The following PHRF1 variants were observed in gnomAD, a reference collection of about 807,000 sequenced individuals.
The protein encoded by PHRF1 is PHD and RING finger domain-containing protein 1.
PHRF1 carries 53 observed loss-of-function variants against 128.9 expected under a neutral mutation model. That is an observed-to-expected ratio of 0.41 (90% CI 0.33 to 0.52). PHRF1 has a LOEUF of 0.52. PHRF1 is among the 20% of genes least tolerant of loss of function. PHRF1 has a pLI of 0.21. For synonymous variants in PHRF1, 1,178 were observed against 980.6 expected (o/e 1.20, Z -3.76); for missense variants, 2,503 against 2,284.5 (o/e 1.10, Z -1.95).
At chr11:596,831 A>C in intron 6 of PHRF1, 92 bp from the exon 7 acceptor site, 8 of 1,110,720 alleles carry the variant, frequency 7.2e-6, no homozygotes, top group Non-Finnish European at 1.1e-5. Context: ...CTTGGGTGCC[A>C]TCGGAGGCCT....
At chr11:600,533 G>A (rs1232655457) in intron 9 of PHRF1, among the ~76,000 whole-genome samples, 5 of 143,118 alleles carry the variant, frequency 3.5e-5, no homozygotes, top group Admixed American at 6.9e-5. Context: ...TTATTTCTCC[G>A]TTTAAAAATC....
intron 2 of PHRF1, 51 bp from the exon 3 acceptor site, chr11:581,911 C>T (rs1589856960): frequency 2.0e-6 from 3 of 1,522,456 alleles, no homozygotes; most frequent in Non-Finnish European, 2.6e-6. Context: ...CTGCTCTCTG[C>T]TGCATGGTCT....
chr11:594,617 A>G (rs1053755819), intron 6 of PHRF1, among the ~76,000 whole-genome samples: 5 of 152,108 alleles, frequency 3.3e-5, no homozygotes, highest in Non-Finnish European at 7.4e-5. Context: ...ACATGCCACC[A>G]CACCTGGCTA....
intron 3 of PHRF1, among the ~76,000 whole-genome samples, chr11:585,819 T>C (rs1589863808): frequency 2.0e-5 from 3 of 151,824 alleles, no homozygotes; most frequent in African/African-American, 7.3e-5. Context: ...TAGCTGGGAC[T>C]ATAGGCACCT....
chr11:601,664 A>G lies in PHRF1; in HGVS notation c.1115A>G (p.Gln372Arg), dbSNP rs1855634893. 6.2e-7 allele frequency: 1 copy of G among 1,613,884 alleles called. No homozygotes were observed. The highest frequency in any genetic ancestry group is 1.3e-5 in the African/African-American group (1 of 75,050). Residue 372 changes from glutamine to arginine, a missense_variant, in exon 10 of 18, where the codon CAA becomes CGA. Gln to Arg is a conservative substitution (Grantham distance 43, BLOSUM62 1). Coordinates refer to ENST00000264555, the MANE Select transcript of PHRF1 (RefSeq NM_001286581.2). ...TCAGCGACAAGATCTAAGAAACGCC[A>G]ACATCGAGTGAAGAAGAGAAGAGGG... ...KSSATRSKKR[Q>R]HRVKKRRGKK...
chr11:605,387 C>T (rs945333071), intron 11 of PHRF1, 87 bp downstream of exon 11: 26 of 1,532,476 alleles, frequency 1.7e-5, no homozygotes, highest in African/African-American at 1.1e-4. Context: ...CATGCGGAGG[C>T]GTTAGGTTTT....
At chr11:586,720 G>T (rs1854590580) in intron 3 of PHRF1, among the ~76,000 whole-genome samples, 1 of 152,240 alleles carries the variant, frequency 6.6e-6, no homozygotes, top group South Asian at 2.1e-4. Flanking sequence ...GGCCAGAACG[G>T]TTGTGGTTAG....
Position 609,347 on chromosome 11 carries a change from T to G in PHRF1, c.3891T>G (p.Ser1297=), listed in dbSNP as rs114978447. 4,606 of 1,612,416 alleles carry G rather than the reference T, an allele frequency of 2.9e-3. 136 individuals are homozygous for G. In the African/African-American group the frequency reaches 0.054, roughly 19 times the overall value. Residue 1297 remains serine (S), a synonymous_variant, in exon 14 of 18, where the codon TCT becomes TCG. Coordinates refer to ENST00000264555, the MANE Select transcript of PHRF1 (RefSeq NM_001286581.2). The part of the protein sequence containing the change: ...SSPPSPESTD[S]SPERDFPLKP... ...CACCTTCTCCCGAAAGCACAGACTC[T>G]TCCCCGGAGCGAGACTTCCCACTGA...
At chr11:590,203 G>T (rs1224216885) in intron 4 of PHRF1, among the ~76,000 whole-genome samples, 1 of 152,220 alleles carries the variant, frequency 6.6e-6, no homozygotes. Context: ...GAGCTGGTCG[G>T]TAGGAGGGCA....
At chr11:599,243 T>A (rs1589885609) in intron 9 of PHRF1, among the ~76,000 whole-genome samples, 1 of 149,038 alleles carries the variant, frequency 6.7e-6, no homozygotes, top group African/African-American at 2.5e-5. Context: ...TTTCTTTTTT[T>A]TTTTCTTTTC....
chr11:610,034 A>T (rs1856266063), intron 14 of PHRF1, among the ~76,000 whole-genome samples, 162 bp from the exon 15 acceptor site: 1 of 152,146 alleles, frequency 6.6e-6, no homozygotes, highest in African/African-American at 2.4e-5. Context: ...AGTGGCTAGG[A>T]GCTGGCACAC....
chr11:602,770 G>T (rs57490538), intron 10 of PHRF1, among the ~76,000 whole-genome samples: 4,383 of 138,312 alleles, frequency 0.032, 105 homozygotes, highest in South Asian at 0.087. Context: ...TGTTTTTTTT[G>T]TTTTTTTTTT....
At position 587,435 on chromosome 11, in the gene PHRF1, T is replaced by G; in HGVS notation, c.391T>G (p.Cys131Gly). Residue 131 changes from cysteine to glycine, a missense_variant, in exon 4 of 18, where the codon TGC (cysteine) becomes GGC (glycine). Transcript: ENST00000264555. ...GTPENCAHYF[C>G]LDCIVEWSKN... ...GCCGGAGAACTGTGCCCATTACTTC[T>G]GCCTGGACTGCATTGTCGAATGGTC... 6.2e-7 allele frequency: 1 copy of G among 1,613,550 alleles called. No homozygotes were observed. Among genetic ancestry groups the G allele is most frequent in the Non-Finnish European group, 8.5e-7 (1 of 1,179,892 alleles).
intron 9 of PHRF1, 135 bp downstream of exon 9, chr11:598,637 C>G: frequency 1.5e-6 from 2 of 1,361,824 alleles, no homozygotes; most frequent in Non-Finnish European, 1.9e-6. Flanking sequence ...GCTGAAAACA[C>G]TACACAGAAG....
intron 13 of PHRF1, 123 bp downstream of exon 13, chr11:606,719 A>C (rs1855971418): frequency 7.4e-7 from 1 of 1,357,518 alleles, no homozygotes; most frequent in East Asian, 2.5e-5. Context: ...ACCATTCCTC[A>C]GCCATTTTTC....
intron 9 of PHRF1, among the ~76,000 whole-genome samples, chr11:600,667 T>G (rs1426775376): frequency 6.7e-6 from 1 of 149,978 alleles, no homozygotes; most frequent in Non-Finnish European, 1.5e-5. Context: ...TCTGTCTCTA[T>G]TAAAAATACA....
Position 597,281 on chromosome 11 carries a change from T to TGCA in PHRF1, c.719-113_719-111dup. 7.5e-7 allele frequency: 1 copy of TGCA among 1,339,692 alleles called. No individual in the cohort carries two copies. Among genetic ancestry groups the TGCA allele is most frequent in the Non-Finnish European group, 1.0e-6 (1 of 984,262 alleles). The allele number at this position is 1,339,692 out of a possible 1,614,324, so 83.0% of individuals were successfully genotyped here. ...GCTCCATGAGCAGCCCTGGGTCCTG[T>TGCA]GCACAGGTCAGCCCGAGCCAGGGCT... On this transcript the variant is annotated intron_variant, in intron 7 of 17. Coordinates refer to ENST00000264555, the MANE Select transcript of PHRF1 (RefSeq NM_001286581.2). The surrounding 1 kb of genome is among the most constrained non-coding windows in gnomAD (Gnocchi z 6.5).
chr11:579,773 G>A (rs1024916525), intron 1 of PHRF1, among the ~76,000 whole-genome samples: 1 of 152,230 alleles, frequency 6.6e-6, no homozygotes, highest in African/African-American at 2.4e-5. Context: ...CTGTTTCCAG[G>A]CAGTAGTAAG....
intron 10 of PHRF1, among the ~76,000 whole-genome samples, chr11:604,245 C>G (rs1171910303): frequency 6.6e-6 from 1 of 152,204 alleles, no homozygotes; most frequent in East Asian, 1.9e-4. Context: ...TTTTGTCCTG[C>G]ATGCTGTTTC....
Sources: gnomAD v4.1 joint callset for allele counts (sites outside exome capture counted in the v4.1 genomes callset) on GRCh38, gnomAD v4.1.1 for gene constraint, Gnocchi (gnomAD v3.1) non-coding constraint, MANE v1.5 for transcripts, NCBI Gene and HGNC (gene_info 2026-07-23, HGNC 2026-07-21) for gene names.